Variants in UBA5 observed in about 807,000 individuals in gnomAD.
UBA5 encodes the protein ubiquitin-like modifier-activating enzyme 5.
Under a neutral mutation model 52.9 loss-of-function variants are expected in UBA5, and 28 were observed. That is an observed-to-expected ratio of 0.53 (90% CI 0.39 to 0.73). UBA5 has a LOEUF of 0.73. UBA5 is among the 30% of genes least tolerant of loss of function. UBA5 has a pLI of 0.00. For missense variants in UBA5, 388 were observed against 492.7 expected (o/e 0.79, Z 2.01); for synonymous variants, 135 against 162.1 (o/e 0.83, Z 1.27).
rs952787411 is a variant in UBA5, at chr3:132,678,822, G to T, written c.*2296G>T. 6.6e-6 allele frequency among the ~76,000 whole-genome samples: 1 copy of T among 151,404 alleles called. No homozygotes were observed. Among genetic ancestry groups the T allele is most frequent in the Non-Finnish European group, 1.5e-5 (1 of 67,872 alleles). ...CCGCCACCACGCATGGCTAATTTTT[G>T]TATTTTTAGTAGAGGCGAGGTTTCA... On this transcript the variant is annotated 3_prime_UTR_variant, in exon 12 of 12. Transcript: ENST00000356232.
chr3:132,663,420 T>G (rs1226618967), intron 1 of UBA5, among the ~76,000 whole-genome samples: 1 of 152,086 alleles, frequency 6.6e-6, no homozygotes, highest in Non-Finnish European at 1.5e-5. Context: ...AAGGAAGGGG[T>G]AAACTGATTG....
chr3:132,677,952 T>C lies in UBA5; in HGVS notation c.*1426T>C, dbSNP rs1231224367. The stretch of plus-strand genomic sequence containing the variant: ...TATCATTTTTTAAAAATTTAGCTTA[T>C]TGAACTGTAAAATAGCTTTTCTAGT... On this transcript the variant is annotated 3_prime_UTR_variant, in exon 12 of 12. Transcript: ENST00000356232. The C allele has an allele frequency of 3.3e-5, 5 of 152,196 alleles. No homozygotes were observed. Among genetic ancestry groups the C allele is most frequent in the African/African-American group, 1.2e-4 (5 of 41,456 alleles). The allele number at this position is 152,196 out of a possible 1,614,324, so 9.4% of individuals were successfully genotyped here.
upstream of UBA5, chr3:132,659,854 G>A (rs1938041764): frequency 7.1e-7 from 1 of 1,408,644 alleles, no homozygotes; most frequent in Non-Finnish European, 9.4e-7. Context: ...GCCGAGGCCG[G>A]GGTGGGGTCT....
In UBA5 at chr3:132,677,057, A is replaced by G. The variant is rs1201757370; in HGVS notation, c.*531A>G. The G allele has an allele frequency of 7.4e-6, 2 of 271,482 alleles. No individual in the cohort carries two copies. Among genetic ancestry groups the G allele is most frequent in the Non-Finnish European group, 1.5e-5 (2 of 133,208 alleles). 16.8% of individuals were successfully genotyped at this position (271,482 alleles called of 1,614,324 possible). ...GAATTCAAAATAGTTAACCTATGAA[A>G]TAACATCCTCTCAAATGTTTGCTGA... is the stretch of plus-strand genomic sequence containing the variant. On this transcript the variant is annotated 3_prime_UTR_variant, in exon 12 of 12. Transcript: ENST00000356232.
chr3:132,660,801 C>G lies in UBA5; in HGVS notation c.161+103C>G. The G allele has an allele frequency of 6.9e-7, 1 of 1,449,212 alleles. No individual in the cohort carries two copies. The highest frequency in any genetic ancestry group is 9.1e-7 in the Non-Finnish European group (1 of 1,096,694). 89.8% of individuals were successfully genotyped at this position (1,449,212 alleles called of 1,614,324 possible). On this transcript the variant is annotated intron_variant, in intron 1 of 11. Coordinates refer to ENST00000356232, the MANE Select transcript of UBA5 (RefSeq NM_024818.6). The surrounding 1 kb of genome is among the most constrained non-coding windows in gnomAD (Gnocchi z 4.1). ...ACGTCCCGCTCATGGGGACGCCCGC[C>G]ACCCTTTTCTTGGTCTGCGAATCCT...
At chr3:132,659,438 G>C, upstream of UBA5, 2 of 937,672 alleles carry the variant, frequency 2.1e-6, no homozygotes, top group Non-Finnish European at 3.1e-6. Context: ...CCCCAGCATC[G>C]AATTCGGAGG....
At chr3:132,659,536 G>A (rs756336575), upstream of UBA5, 6 of 1,600,752 alleles carry the variant, frequency 3.7e-6, no homozygotes, top group Middle Eastern at 1.7e-4. Context: ...AAACCACCCA[G>A]GGCCAAAGGA....
At position 132,675,939 on chromosome 3, in the gene UBA5, G is replaced by GAT; in HGVS notation, c.1131+17_1131+18dup. 6.8e-7 allele frequency: 1 copy of GAT among 1,471,616 alleles called. No homozygotes were observed. Among genetic ancestry groups the GAT allele is most frequent in the Non-Finnish European group, 9.4e-7 (1 of 1,065,976 alleles). The allele number at this position is 1,471,616 out of a possible 1,614,324, so 91.2% of individuals were successfully genotyped here. On this transcript the variant is annotated intron_variant, in intron 11 of 11. Coordinates refer to ENST00000356232, the MANE Select transcript of UBA5 (RefSeq NM_024818.6). The stretch of plus-strand genomic sequence containing the variant: ...TCCAAAAAAGGTACTTCAAAAATAT[G>GAT]ATTTACCCATATGTAAATATCATAT...
chr3:132,669,414 G>A (rs1342767996), intron 4 of UBA5, among the ~76,000 whole-genome samples: 5 of 151,946 alleles, frequency 3.3e-5, no homozygotes, highest in Non-Finnish European at 4.4e-5. Context: ...CTACAGGCAC[G>A]TGCCACCATG....
rs1014588430 is a variant in UBA5, at chr3:132,678,775, A to G, written c.*2249A>G. 4.6e-5 allele frequency among the ~76,000 whole-genome samples: 7 copies of G among 151,596 alleles called. No individual in the cohort carries two copies. Among genetic ancestry groups the G allele is most frequent in the African/African-American group, 1.7e-4 (7 of 41,286 alleles). On this transcript the variant is annotated 3_prime_UTR_variant, in exon 12 of 12. Transcript: ENST00000356232. ...AGCGATTCTCCTGCCTCAGCCTCCC[A>G]AGTAGCTGGGATTACAGGTGCCCGC...
rs1331582440 is a variant in UBA5 at position 132,676,316 on chromosome 3, T to G, written c.1132-127T>G. 1.3e-5 allele frequency: 9 copies of G among 683,666 alleles called. No homozygotes were observed. Among genetic ancestry groups the G allele is most frequent in the Non-Finnish European group, 2.2e-5 (9 of 408,016 alleles). 42.3% of individuals were successfully genotyped at this position (683,666 alleles called of 1,614,324 possible). The stretch of plus-strand genomic sequence containing the variant: ...TGTCTTTCTTCTAAAAATTAGAAGA[T>G]AGTTGTTAAAGAAAATTTACTTTAT... On this transcript the variant is annotated intron_variant, in intron 11 of 11. Coordinates refer to ENST00000356232, the MANE Select transcript of UBA5 (RefSeq NM_024818.6). This position sits in a 1 kb window ranked among gnomAD's most constrained non-coding sequence, Gnocchi z 4.1.
chr3:132,671,894 C>G lies in UBA5; in HGVS notation c.684+13C>G. 1 of 1,609,384 alleles carries G rather than the reference C, an allele frequency of 6.2e-7. No homozygotes were observed. Among genetic ancestry groups the G allele is most frequent in the Non-Finnish European group, 8.5e-7 (1 of 1,177,856 alleles). On this transcript the variant is annotated intron_variant, in intron 7 of 11. Coordinates refer to ENST00000356232, the MANE Select transcript of UBA5 (RefSeq NM_024818.6). ...TGCTTGTTTTGCGGTATGCATTATT[C>G]TTTTTGGAATATTCTTCACTGTTAG...
intron 3 of UBA5, 41 bp downstream of exon 3, chr3:132,666,114 C>A: frequency 6.4e-7 from 1 of 1,551,052 alleles, no homozygotes; most frequent in South Asian, 1.1e-5. Context: ...GGGAACTACT[C>A]ACTCCTGGAG....
In UBA5 at chr3:132,675,669, A is replaced by G. The variant is rs1467007369; in HGVS notation, c.1013A>G (p.Asp338Gly). ...GAAGAGGAAGAGATAATCCATGAAG[A>G]TAATGAATGGGGTAGGTATTCTTTT... is the stretch of plus-strand genomic sequence containing the variant. Reference protein sequence around the residue: ...IQEEEEIIHEDNEWGIELVSE... With the variant: ...IQEEEEIIHEGNEWGIELVSE... Residue 338 changes from aspartate (D) to glycine (G), a missense_variant, in exon 10 of 12, where the codon GAT becomes GGT. By Grantham distance (94) the Asp-to-Gly change is moderately conservative (BLOSUM62 -1). This residue lies in a region of UBA5 where 277 missense variants were observed against 326.4 expected (regional missense o/e 0.85). Coordinates refer to ENST00000356232, the MANE Select transcript of UBA5 (RefSeq NM_024818.6). 6.2e-7 allele frequency: 1 copy of G among 1,610,692 alleles called. No individual in the cohort carries two copies. The highest frequency in any genetic ancestry group is 8.5e-7 in the Non-Finnish European group (1 of 1,177,474).
chr3:132,673,416 T>C (rs1355494149), intron 8 of UBA5, among the ~76,000 whole-genome samples: 1 of 152,166 alleles, frequency 6.6e-6, no homozygotes, highest in Non-Finnish European at 1.5e-5. Flanking sequence ...GGCTCAGTCA[T>C]GGCTCACTGC....
In UBA5 at chr3:132,678,302, T is replaced by C. The variant is rs140598819; in HGVS notation, c.*1776T>C. ...CCTAGAATACTCTCTTGACAGTCTG[T>C]ATGCCATGAAAACTTGCATAAGAAG... On this transcript the variant is annotated 3_prime_UTR_variant, in exon 12 of 12. Coordinates refer to ENST00000356232, the MANE Select transcript of UBA5 (RefSeq NM_024818.6). 1.2e-3 allele frequency among the ~76,000 whole-genome samples: 183 copies of C among 152,336 alleles called. 1 individual carries two copies. The highest frequency in any genetic ancestry group is 3.8e-3 in the African/African-American group (157 of 41,590).
intron 3 of UBA5, chr3:132,667,549 A>T (rs1938428225): frequency 6.6e-6 from 1 of 152,196 alleles, no homozygotes; most frequent in Admixed American, 6.5e-5. Flanking sequence ...TAAAACAGAT[A>T]AATACGAAGT....
At position 132,665,802 on chromosome 3, in the gene UBA5, CAT is replaced by C; in HGVS notation, c.162-18_162-17del. The C allele has an allele frequency of 1.9e-6, 3 of 1,609,920 alleles. No individual in the cohort carries two copies. Among genetic ancestry groups the C allele is most frequent in the South Asian group, 1.1e-5 (1 of 90,614 alleles). ...ACCTAAAAGACTGTAAGCTTTAAAA[CAT>C]ATTTTTCTTTGTTTTAAGCCGCTTG... On this transcript the variant is annotated intron_variant, in intron 1 of 11. Coordinates refer to ENST00000356232, the MANE Select transcript of UBA5 (RefSeq NM_024818.6).
upstream of UBA5, chr3:132,659,576 G>C (rs771764695): frequency 1.2e-6 from 2 of 1,606,082 alleles, no homozygotes; most frequent in Non-Finnish European, 1.7e-6. Flanking sequence ...ATTTTTTTCC[G>C]CTGGAGGCAA....
Sources: gnomAD v4.1 joint callset for allele counts (sites outside exome capture counted in the v4.1 genomes callset) on GRCh38, gnomAD v4.1.1 for gene constraint, gnomAD v4.1.1 regional missense constraint, Gnocchi (gnomAD v3.1) non-coding constraint, MANE v1.5 for transcripts, NCBI Gene and HGNC (gene_info 2026-07-23, HGNC 2026-07-21) for gene names.